Variants in NOS1AP observed in about 807,000 individuals in gnomAD.
The protein encoded by NOS1AP is carboxyl-terminal PDZ ligand of neuronal nitric oxide synthase protein.
A neutral mutation model predicts 56.2 loss-of-function variants in NOS1AP; 21 were observed. That is an observed-to-expected ratio of 0.37 (90% CI 0.26 to 0.54). NOS1AP has a LOEUF of 0.54. NOS1AP is among the 20% of genes least tolerant of loss of function. The pLI, the probability that NOS1AP is intolerant of heterozygous loss-of-function variation, is 0.84. For missense variants in NOS1AP, 522 were observed against 657.8 expected, an observed-to-expected ratio of 0.79 and a Z score of 2.26; for synonymous variants, 270 against 274.6, an observed-to-expected ratio of 0.98 and a Z score of 0.17.
At chr1:162,330,590 GTAGGTACACCATGC>G (rs960507579) in intron 4 of NOS1AP, among the ~76,000 whole-genome samples, 2 of 152,226 alleles carry the variant, frequency 1.3e-5, no homozygotes, top group Non-Finnish European at 2.9e-5. Flanking sequence ...CTGCAGAAAG[GTAGGTACACCATGC>G]TAAGGAGTTT....
At chr1:162,286,109 A>T (rs1655082530) in intron 2 of NOS1AP, among the ~76,000 whole-genome samples, 1 of 152,260 alleles carries the variant, frequency 6.6e-6, no homozygotes, top group Non-Finnish European at 1.5e-5. Context: ...AGTTTGTAAC[A>T]TCAGAATATT....
chr1:162,081,760 A>ATC, intron 1 of NOS1AP, among the ~76,000 whole-genome samples: 2 of 12,798 alleles, frequency 1.6e-4, no homozygotes, highest in South Asian at 2.0e-3. Context: ...CTATAGATAT[A>ATC]TATATATATA....
intron 2 of NOS1AP, among the ~76,000 whole-genome samples, chr1:162,169,941 C>T (rs1317633303): frequency 1.3e-5 from 2 of 152,148 alleles, no homozygotes; most frequent in African/African-American, 4.8e-5. Flanking sequence ...GGAATTTCCT[C>T]CCTCCCTTTC....
chr1:162,097,706 T>C (rs1399934415), intron 1 of NOS1AP, among the ~76,000 whole-genome samples: 1 of 152,244 alleles, frequency 6.6e-6, no homozygotes, highest in Non-Finnish European at 1.5e-5. Context: ...TATTCAGTTC[T>C]ATTGGTCTGT....
chr1:162,142,732 A>G (rs1042075529), intron 1 of NOS1AP, among the ~76,000 whole-genome samples: 2 of 152,186 alleles, frequency 1.3e-5, no homozygotes, highest in African/African-American at 4.8e-5. Context: ...AAGGACTCAA[A>G]AGGTGTAGTA....
intron 1 of NOS1AP, among the ~76,000 whole-genome samples, chr1:162,109,375 C>T (rs1183009816): frequency 3.3e-5 from 5 of 152,200 alleles, no homozygotes; most frequent in East Asian, 3.9e-4. Context: ...GATGAGATAG[C>T]GTTGTGGCAA....
chr1:162,246,875 AGTT>A (rs757333678), intron 2 of NOS1AP, among the ~76,000 whole-genome samples: 4 of 152,176 alleles, frequency 2.6e-5, no homozygotes, highest in Non-Finnish European at 4.4e-5. Flanking sequence ...GAAGCAGAGA[AGTT>A]GTTGTTGAGA....
chr1:162,157,387 T>G (rs975954005), intron 2 of NOS1AP, among the ~76,000 whole-genome samples: 4 of 152,234 alleles, frequency 2.6e-5, no homozygotes, highest in African/African-American at 9.6e-5. Flanking sequence ...AATTCACTGC[T>G]AGGTCCAGGC....
chr1:162,263,348 G>A (rs1459295244), intron 2 of NOS1AP, among the ~76,000 whole-genome samples: 1 of 152,204 alleles, frequency 6.6e-6, no homozygotes, highest in Non-Finnish European at 1.5e-5. Flanking sequence ...AGATGGAAGG[G>A]CAAGAGAGAG....
intron 6 of NOS1AP, among the ~76,000 whole-genome samples, 154 bp from the exon 7 acceptor site, chr1:162,355,033 A>G (rs1252657236): frequency 2.0e-5 from 3 of 152,212 alleles, no homozygotes; most frequent in Non-Finnish European, 2.9e-5. Flanking sequence ...CTGGAAATGC[A>G]CTTTAACGTA....
At chr1:162,302,388 T>C (rs1203143151) in intron 4 of NOS1AP, among the ~76,000 whole-genome samples, 1 of 152,194 alleles carries the variant, frequency 6.6e-6, no homozygotes. Context: ...TATCTTCTAC[T>C]TGAGTGATGA....
chr1:162,074,131 G>A (rs879414240), intron 1 of NOS1AP, among the ~76,000 whole-genome samples: 3 of 152,216 alleles, frequency 2.0e-5, no homozygotes, highest in Non-Finnish European at 4.4e-5. Flanking sequence ...GACAGGCACA[G>A]GCACATTAGT....
At chr1:162,161,162 G>A (rs562046830) in intron 2 of NOS1AP, among the ~76,000 whole-genome samples, 1 of 152,254 alleles carries the variant, frequency 6.6e-6, no homozygotes, top group East Asian at 1.9e-4. Context: ...TCCTTCCCCA[G>A]TAATCCAGGA....
intron 4 of NOS1AP, among the ~76,000 whole-genome samples, chr1:162,307,711 T>C (rs966934110): frequency 2.0e-5 from 3 of 152,020 alleles, no homozygotes; most frequent in Admixed American, 2.0e-4. Context: ...CTTGGGAGGC[T>C]GAGGCAGGAG....
At position 162,261,175 on chromosome 1, in the gene NOS1AP, A is replaced by G. The variant is rs1161630292; in HGVS notation, c.178-26169A>G. ...AACCAGTAAATCTCATTGGTCTGGC[A>G]TCAGAGAATGAGGTTCTCCATATAA... On this transcript the variant is annotated intron_variant, in intron 2 of 9. Transcript: ENST00000361897. Among the ~76,000 whole-genome samples the G allele has an allele frequency of 1.4e-5, 2 of 139,230 alleles. 1 individual carries two copies. Among genetic ancestry groups the G allele is most frequent in the African/African-American group, 5.5e-5 (2 of 36,342 alleles). 91.3% of individuals were successfully genotyped at this position (139,230 alleles called of 152,430 possible). A position where few individuals can be genotyped will look rare whatever the true frequency, so the allele number is the denominator to read the frequency against.
At chr1:162,193,217 G>A (rs1228328338) in intron 2 of NOS1AP, among the ~76,000 whole-genome samples, 2 of 152,144 alleles carry the variant, frequency 1.3e-5, no homozygotes, top group African/African-American at 2.4e-5. Context: ...AGCCTGGGTT[G>A]TTTGATAATA....
At chr1:162,162,960 T>C (rs1650298168) in intron 2 of NOS1AP, among the ~76,000 whole-genome samples, 1 of 152,194 alleles carries the variant, frequency 6.6e-6, no homozygotes, top group African/African-American at 2.4e-5. Flanking sequence ...CCATCATCCC[T>C]GATTCCCCAA....
intron 1 of NOS1AP, among the ~76,000 whole-genome samples, chr1:162,127,367 A>G (rs1246917650): frequency 1.3e-5 from 2 of 152,174 alleles, no homozygotes; most frequent in African/African-American, 4.8e-5. Context: ...TATTTGTGTT[A>G]TAGTTCTTTA....
intron 2 of NOS1AP, among the ~76,000 whole-genome samples, chr1:162,154,681 G>T (rs1171565096): frequency 1.3e-5 from 2 of 152,182 alleles, no homozygotes; most frequent in Non-Finnish European, 2.9e-5. Flanking sequence ...GTGATGGCTG[G>T]AGTGGTACCA....
Sources: allele counts gnomAD v4.1 joint callset (sites outside exome capture counted in the v4.1 genomes callset), GRCh38; gene constraint gnomAD v4.1.1; transcripts MANE v1.5; gene names NCBI Gene and HGNC (gene_info 2026-07-23, HGNC 2026-07-21).